The following ANKDD1A variants were observed in gnomAD, a reference collection of about 807,000 sequenced individuals.
The protein encoded by ANKDD1A is ankyrin repeat and death domain containing 1A, also known as ankyrin repeat and death domain-containing protein 1A.
Under a neutral mutation model 63.5 loss-of-function variants are expected in ANKDD1A, and 59 were observed. The ratio of observed to expected loss-of-function variants is 0.93; its 90% CI spans 0.75 to 1.15. The LOEUF is 1.15. Ranked by LOEUF, ANKDD1A falls within the 50% of genes most tolerant of loss-of-function variation. The pLI is 0.00. For missense variants in ANKDD1A, 632 were observed against 656.4 expected (o/e 0.96, Z 0.41); for synonymous variants, 266 against 263.9 (o/e 1.01, Z -0.08).
At chr15:64,920,946 C>A (rs1438354774) in intron 3 of ANKDD1A, among the ~76,000 whole-genome samples, 3 of 152,176 alleles carry the variant, frequency 2.0e-5, no homozygotes, top group Admixed American at 2.0e-4. Flanking sequence ...ACGTATTTTT[C>A]ATGAAGCTAC....
intron 13 of ANKDD1A, among the ~76,000 whole-genome samples, chr15:64,949,416 T>G (rs191987229): frequency 9.0e-4 from 137 of 152,306 alleles, no homozygotes; most frequent in African/African-American, 3.2e-3. Context: ...CTGACTAAGC[T>G]GTATTCTCAT....
intron 9 of ANKDD1A, among the ~76,000 whole-genome samples, chr15:64,938,894 G>A (rs558028689): frequency 2.7e-5 from 4 of 150,894 alleles, no homozygotes; most frequent in African/African-American, 7.3e-5. Flanking sequence ...GCAGTGAGCC[G>A]AGATCGCGCC....
chr15:64,953,615 C>CCTCTTCTTCTCCTTCTTAG (rs1206540695), intron 14 of ANKDD1A, among the ~76,000 whole-genome samples: 5 of 108,910 alleles, frequency 4.6e-5, no homozygotes, highest in Non-Finnish European at 7.8e-5. Flanking sequence ...TTCTTCTCTC[C>CCTCTTCTTCTCCTTCTTAG]TTCTTCTTCT....
At chr15:64,943,800 C>G (rs556571689) in intron 11 of ANKDD1A, 4 of 584,924 alleles carry the variant, frequency 6.8e-6, no homozygotes, top group Non-Finnish European at 1.2e-5. Context: ...GCCCACCCCC[C>G]TCTGGTATAG....
chr15:64,950,729 GCCCCCCCCC>G lies in ANKDD1A; in HGVS notation c.1483+770_1483+778del, dbSNP rs57067556. On this transcript the variant is annotated intron_variant, in intron 14 of 14. Coordinates refer to ENST00000319580, the MANE Select transcript of ANKDD1A (RefSeq NM_182703.6). ...TATTATTGAGGGAAAAGAAAGGACC[GCCCCCCCCC>G]CCCCCCCCCCCCATAGCTGCTATAG... is the stretch of plus-strand genomic sequence containing the variant. The G allele has an allele frequency of 8.0e-4, 604 of 757,394 alleles. 17 individuals are homozygous for G. Among genetic ancestry groups the G allele is most frequent in the Middle Eastern group, 4.5e-3 (6 of 1,334 alleles). 46.9% of individuals were successfully genotyped at this position (757,394 alleles called of 1,614,324 possible).
intron 2 of ANKDD1A, 62 bp downstream of exon 2, chr15:64,915,962 C>T (rs2084965600): frequency 2.0e-6 from 3 of 1,496,194 alleles, no homozygotes; most frequent in Admixed American, 3.6e-5. Context: ...TGCCAGTACA[C>T]AGGGGGAATA....
At chr15:64,951,886 TCTTTCTTTTTC>T (rs1175301687) in intron 14 of ANKDD1A, among the ~76,000 whole-genome samples, 39 of 65,830 alleles carry the variant, frequency 5.9e-4, no homozygotes, top group African/African-American at 1.2e-3. Flanking sequence ...CTTCTTTCCT[TCTTTCTTTTTC>T]TTTTCTCTTC....
At chr15:64,938,251 A>G (rs28374695) in intron 9 of ANKDD1A, among the ~76,000 whole-genome samples, 7,249 of 152,296 alleles carry the variant, frequency 0.048, 593 homozygotes, top group African/African-American at 0.17. Context: ...CAGGCTGTGC[A>G]TAGTGACTTC....
intron 14 of ANKDD1A, chr15:64,951,483 CTCT>C (rs139077035): frequency 0.016 from 850 of 53,360 alleles, 19 homozygotes; most frequent in African/African-American, 0.036. Context: ...TTTCTTCTTC[CTCT>C]TCTTTTCTTC....
rs1471282266 is a variant in ANKDD1A at position 64,942,470 on chromosome 15, G to C, written c.871G>C (p.Gly291Arg). Reference sequence around the variant, plus strand: ...ATCCGTGTATCTCCTCCCACAGCAGGGTGCCTCTCCTCTGCACCTCGCTGT... The same window carrying C: ...ATCCGTGTATCTCCTCCCACAGCAGCGTGCCTCTCCTCTGCACCTCGCTGT... ...GGCANVVDHQ[G>R]ASPLHLAVRH... The change falls in exon 10 of 15, where the codon GGT (glycine) becomes CGT (arginine). Residue 291 changes from glycine to arginine, a missense_variant. Coordinates refer to ENST00000319580, the MANE Select transcript of ANKDD1A (RefSeq NM_182703.6). The C allele has an allele frequency of 6.2e-7, 1 of 1,610,766 alleles. No individual in the cohort carries two copies. The highest frequency in any genetic ancestry group is 8.5e-7 in the Non-Finnish European group (1 of 1,178,350).
rs559660111 is a variant in ANKDD1A at position 64,940,552 on chromosome 15, C to T, written c.868-1915C>T. On this transcript the variant is annotated intron_variant, in intron 9 of 14. Coordinates refer to ENST00000319580, the MANE Select transcript of ANKDD1A (RefSeq NM_182703.6). ...GGTTCACGCCATTCTCCTGCCTCAG[C>T]CTCCCGAGTAGCTGGGACTACAGGC... 1.6e-3 allele frequency among the ~76,000 whole-genome samples: 250 copies of T among 152,108 alleles called. 1 individual carries two copies. The highest frequency in any genetic ancestry group is 5.4e-4 in the Non-Finnish European group (37 of 67,992).
chr15:64,950,984 C>T (rs928908780), intron 14 of ANKDD1A: 39 of 1,272,380 alleles, frequency 3.1e-5, no homozygotes, highest in Admixed American at 1.2e-4. Flanking sequence ...AACGCAGCCC[C>T]GAGTGCCCCC....
At chr15:64,934,989 C>A (rs1489575592) in intron 9 of ANKDD1A, among the ~76,000 whole-genome samples, 1 of 152,006 alleles carries the variant, frequency 6.6e-6, no homozygotes, top group Non-Finnish European at 1.5e-5. Context: ...CTATGGGAGG[C>A]CGAGGCTGGA....
At chr15:64,919,271 C>A (rs2084992081) in intron 3 of ANKDD1A, among the ~76,000 whole-genome samples, 1 of 152,104 alleles carries the variant, frequency 6.6e-6, no homozygotes, top group Admixed American at 6.6e-5. Flanking sequence ...TACTCCCAAG[C>A]GTCTGTGGAC....
intron 12 of ANKDD1A, among the ~76,000 whole-genome samples, chr15:64,945,630 A>ATATATATATATATATG (rs1188413566): frequency 2.2e-5 from 1 of 46,156 alleles, no homozygotes; most frequent in African/African-American, 9.5e-5. Context: ...ATATATATAT[A>ATATATATATATATATG]TGAACTTTTT....
At chr15:64,953,787 TC>T (rs2085359260) in intron 14 of ANKDD1A, among the ~76,000 whole-genome samples, 4 of 138,166 alleles carry the variant, frequency 2.9e-5, no homozygotes, top group African/African-American at 7.9e-5. Flanking sequence ...TTTTCTTTCT[TC>T]TGCTTTCTTC....
At chr15:64,920,179 G>A (rs995501256) in intron 3 of ANKDD1A, among the ~76,000 whole-genome samples, 1 of 152,180 alleles carries the variant, frequency 6.6e-6, no homozygotes, top group Non-Finnish European at 1.5e-5. Flanking sequence ...GGCTCTTGAT[G>A]TATCCCCGGA....
At chr15:64,952,726 T>TTCTCCTTCTTCC (rs1186429707) in intron 14 of ANKDD1A, among the ~76,000 whole-genome samples, 30 of 143,522 alleles carry the variant, frequency 2.1e-4, no homozygotes, top group African/African-American at 7.2e-4. Context: ...TTCTTTCTTC[T>TTCTCCTTCTTCC]TCTCCTTCTT....
intron 6 of ANKDD1A, among the ~76,000 whole-genome samples, 182 bp downstream of exon 6, chr15:64,927,181 A>G (rs1396549282): frequency 6.6e-6 from 1 of 152,266 alleles, no homozygotes; most frequent in Non-Finnish European, 1.5e-5. Flanking sequence ...GCTATGGGCC[A>G]GCCCTGTGCT....
Sources: allele counts gnomAD v4.1 joint callset (sites outside exome capture counted in the v4.1 genomes callset), GRCh38; gene constraint gnomAD v4.1.1; transcripts MANE v1.5; gene names NCBI Gene and HGNC (gene_info 2026-07-23, HGNC 2026-07-21).